KCNK13: variants seen among roughly 807,000 people sequenced by gnomAD.
KCNK13 encodes the protein potassium channel subfamily K member 13.
In KCNK13, 12 loss-of-function variants were observed where a neutral mutation model predicts 23.4. The ratio of observed to expected loss-of-function variants is 0.51; its 90% CI spans 0.33 to 0.83. KCNK13 has a LOEUF of 0.83. Among genes scored for constraint, KCNK13 ranks in the 40% least tolerant of loss-of-function variants. The probability of loss-of-function intolerance (pLI) is 0.02; values close to 1 mark genes in which losing one functional copy is unlikely to be tolerated. For missense variants in KCNK13, 463 were observed against 556.3 expected (o/e 0.83, Z 1.69); for synonymous variants, 231 against 229.5 (o/e 1.01, Z -0.06).
intron 1 of KCNK13, among the ~76,000 whole-genome samples, chr14:90,174,617 C>T (rs958625066): frequency 4.0e-4 from 61 of 152,232 alleles, no homozygotes; most frequent in Middle Eastern, 3.4e-3. Flanking sequence ...TTTGGGATGC[C>T]AAGGCTGGCA....
intron 1 of KCNK13, among the ~76,000 whole-genome samples, chr14:90,066,457 G>T (rs191077564): frequency 1.3e-3 from 194 of 151,982 alleles, no homozygotes; most frequent in African/African-American, 4.5e-3. Context: ...AGTAGAGAGA[G>T]GGCTACACCA....
At chr14:90,143,190 C>CTTTCTTTCT (rs1890034156) in intron 1 of KCNK13, among the ~76,000 whole-genome samples, 1 of 109,334 alleles carries the variant, frequency 9.1e-6, no homozygotes, top group South Asian at 4.3e-4. Context: ...CTTTTCTTTT[C>CTTTCTTTCT]TTTCTTTCTT....
At chr14:90,110,842 C>G (rs928114851) in intron 1 of KCNK13, among the ~76,000 whole-genome samples, 5 of 152,026 alleles carry the variant, frequency 3.3e-5, no homozygotes, top group African/African-American at 4.8e-5. Flanking sequence ...AACCCCGTCT[C>G]TACTAAAAAT....
chr14:90,097,890 T>C (rs530138025), intron 1 of KCNK13, among the ~76,000 whole-genome samples: 1 of 152,264 alleles, frequency 6.6e-6, no homozygotes, highest in South Asian at 2.1e-4. Context: ...AATGAGTATA[T>C]AATGAGGGGC....
intron 1 of KCNK13, among the ~76,000 whole-genome samples, chr14:90,087,104 TTA>T (rs1190369151): frequency 7.0e-6 from 1 of 142,296 alleles, no homozygotes; most frequent in Non-Finnish European, 1.5e-5. Flanking sequence ...TTATTTCATT[TTA>T]TATATATATA....
chr14:90,133,333 A>G (rs1596792304), intron 1 of KCNK13, among the ~76,000 whole-genome samples: 1 of 152,254 alleles, frequency 6.6e-6, no homozygotes, highest in Non-Finnish European at 1.5e-5. Context: ...ACAACGGATA[A>G]ATCTCTAGAG....
chr14:90,161,885 A>G (rs1255254260), intron 1 of KCNK13, among the ~76,000 whole-genome samples: 1 of 152,202 alleles, frequency 6.6e-6, no homozygotes, highest in Non-Finnish European at 1.5e-5. Flanking sequence ...AGCATTAAGA[A>G]AAGGAGAACA....
intron 1 of KCNK13, among the ~76,000 whole-genome samples, chr14:90,175,833 G>C (rs529961358): frequency 1.3e-5 from 2 of 152,122 alleles, no homozygotes; most frequent in African/African-American, 4.8e-5. Context: ...GCCTTGGCTT[G>C]GGCTTTACTC....
At chr14:90,092,051 A>G (rs1309314710) in intron 1 of KCNK13, among the ~76,000 whole-genome samples, 1 of 151,170 alleles carries the variant, frequency 6.6e-6, no homozygotes, top group Non-Finnish European at 1.5e-5. Flanking sequence ...CCTCCCGAGT[A>G]GCTGGGACTA....
chr14:90,157,131 T>C (rs945346868), intron 1 of KCNK13, among the ~76,000 whole-genome samples: 7 of 152,354 alleles, frequency 4.6e-5, no homozygotes, highest in South Asian at 2.1e-4. Flanking sequence ...TGCAAGAATC[T>C]GAAATGCCAT....
intron 1 of KCNK13, among the ~76,000 whole-genome samples, chr14:90,154,183 G>A (rs72699129): frequency 0.025 from 3,735 of 152,234 alleles, 84 homozygotes; most frequent in Non-Finnish European, 0.032. Flanking sequence ...AACACTGAAT[G>A]TGGGCTTTCC....
At chr14:90,109,227 A>C (rs956034692) in intron 1 of KCNK13, among the ~76,000 whole-genome samples, 1 of 151,934 alleles carries the variant, frequency 6.6e-6, no homozygotes, top group African/African-American at 2.4e-5. Flanking sequence ...CTAGACTTGT[A>C]AGATTATTAA....
intron 1 of KCNK13, among the ~76,000 whole-genome samples, chr14:90,171,352 A>C (rs1477939260): frequency 6.6e-6 from 1 of 152,254 alleles, no homozygotes; most frequent in Non-Finnish European, 1.5e-5. Context: ...GTGTTTGTGA[A>C]GAAGGAACGA....
At chr14:90,107,857 G>A (rs1206386656) in intron 1 of KCNK13, 2 of 834,158 alleles carry the variant, frequency 2.4e-6, no homozygotes, top group Non-Finnish European at 4.2e-6. Context: ...AAGATTATTT[G>A]GAACAGCTCA....
intron 1 of KCNK13, among the ~76,000 whole-genome samples, chr14:90,150,432 G>C (rs1226949257): frequency 2.0e-5 from 3 of 152,142 alleles, no homozygotes; most frequent in Non-Finnish European, 4.4e-5. Context: ...GGGCAACATA[G>C]CGAGACCCTG....
At chr14:90,092,874 T>A (rs1305146043) in intron 1 of KCNK13, among the ~76,000 whole-genome samples, 2 of 135,604 alleles carry the variant, frequency 1.5e-5, no homozygotes, top group Non-Finnish European at 1.5e-5. Context: ...ACCATGCCAC[T>A]GCACTCTAGC....
At position 90,122,841 on chromosome 14, in the gene KCNK13, C is replaced by T. The variant is rs17126574; in HGVS notation, c.334+60302C>T. On this transcript the variant is annotated intron_variant, in intron 1 of 1. Coordinates refer to ENST00000282146, the MANE Select transcript of KCNK13 (RefSeq NM_022054.4). ...TGACATTGTTCATTCATTCAATACG[C>T]ACCTAATAAGCCTTCATATCCAAAT... 3.3e-3 allele frequency among the ~76,000 whole-genome samples: 507 copies of T among 152,276 alleles called. 5 individuals are homozygous for T. The highest frequency in any genetic ancestry group is 0.011 in the African/African-American group (475 of 41,550).
chr14:90,181,941 G>C (rs1169166531), intron 1 of KCNK13, among the ~76,000 whole-genome samples: 1 of 152,146 alleles, frequency 6.6e-6, no homozygotes, highest in Admixed American at 6.5e-5. Context: ...CTCTGGTCTT[G>C]CAGCTTTGGG....
intron 1 of KCNK13, among the ~76,000 whole-genome samples, chr14:90,126,881 T>C (rs760463476): frequency 3.3e-5 from 5 of 152,020 alleles, no homozygotes; most frequent in East Asian, 1.9e-4. Flanking sequence ...CAAATTCCAA[T>C]TGAGGGACAT....
Sources: allele counts gnomAD v4.1 joint callset (sites outside exome capture counted in the v4.1 genomes callset), GRCh38; gene constraint gnomAD v4.1.1; transcripts MANE v1.5; gene names NCBI Gene and HGNC (gene_info 2026-07-23, HGNC 2026-07-21).